TAFA1: variants seen among roughly 807,000 people sequenced by gnomAD.
The protein encoded by TAFA1 is chemokine-like protein TAFA-1.
In TAFA1, 4 loss-of-function variants were observed where a neutral mutation model predicts 18.5. The ratio of observed to expected loss-of-function variants is 0.22; its 90% CI spans 0.11 to 0.49. The LOEUF (loss-of-function observed/expected upper bound fraction) is 0.49. TAFA1 is among the 20% of genes least tolerant of loss of function. TAFA1 has a pLI of 0.98. For missense variants in TAFA1, 147 were observed against 169.0 expected (o/e 0.87, Z 0.72); for synonymous variants, 56 against 55.2 (o/e 1.01, Z -0.06).
rs76658083 is a variant in TAFA1 at position 68,373,918 on chromosome 3, C to G, written c.119-43362C>G. Among the ~76,000 whole-genome samples, 354 of 152,256 alleles carry G rather than the reference C, an allele frequency of 2.3e-3. 5 individuals carry two copies. The highest frequency in any genetic ancestry group is 8.2e-3 in the African/African-American group (339 of 41,558). On this transcript the variant is annotated intron_variant, in intron 2 of 4. Transcript: ENST00000478136. ...ACGCATTCTGCAAACAGCTAGAGCTCCTTTCTGTATTGGTTCAGACTCTTG... is the reference window on the plus strand; with the variant it reads ...ACGCATTCTGCAAACAGCTAGAGCTGCTTTCTGTATTGGTTCAGACTCTTG...
At chr3:68,000,117 C>T (rs1704268896), upstream of TAFA1, among the ~76,000 whole-genome samples, 1 of 152,124 alleles carries the variant, frequency 6.6e-6, no homozygotes, top group African/African-American at 2.4e-5. Flanking sequence ...AAAGGCAGCT[C>T]ATTATGCATG....
At chr3:68,175,984 T>C (rs887610827) in intron 2 of TAFA1, among the ~76,000 whole-genome samples, 3 of 152,156 alleles carry the variant, frequency 2.0e-5, no homozygotes, top group Non-Finnish European at 4.4e-5. Context: ...GACCTGGTGA[T>C]TTTAAAATGG....
chr3:68,393,149 C>G (rs9848417), intron 2 of TAFA1, among the ~76,000 whole-genome samples: 60,354 of 151,236 alleles, frequency 0.4, 12,519 homozygotes, highest in Non-Finnish European at 0.41. Context: ...GACACACACA[C>G]AGAGAAAAAA....
chr3:68,359,244 A>G lies in TAFA1; in HGVS notation c.119-58036A>G, dbSNP rs76525976. Among the ~76,000 whole-genome samples the G allele has an allele frequency of 5.8e-3, 889 of 152,176 alleles. 5 individuals are homozygous for G. The highest frequency in any genetic ancestry group is 0.021 in the African/African-American group (857 of 41,550). On this transcript the variant is annotated intron_variant, in intron 2 of 4. Transcript: ENST00000478136. ...TAAAATCATGTTAATCAAAAATTGC[A>G]GAACAGACTTCAGTAATGCTTGGGT...
In TAFA1 at chr3:68,343,341, G is replaced by A. The variant is rs76111073; in HGVS notation, c.119-73939G>A. ...AGTCAGAATTTCTGGGGATAGGACC[G>A]GTAGTTTACATTTTTAAAAAGAGAA... On this transcript the variant is annotated intron_variant, in intron 2 of 4. Coordinates refer to ENST00000478136, the MANE Select transcript of TAFA1 (RefSeq NM_213609.4). Among the ~76,000 whole-genome samples the A allele has an allele frequency of 6.4e-3, 975 of 152,198 alleles. 10 individuals are homozygous for A. The highest frequency in any genetic ancestry group is 0.014 in the Middle Eastern group (4 of 294).
chr3:68,148,807 T>A (rs1487067478), intron 2 of TAFA1, among the ~76,000 whole-genome samples: 2 of 152,210 alleles, frequency 1.3e-5, no homozygotes, highest in Non-Finnish European at 2.9e-5. Context: ...AGGGATTTTT[T>A]ATCAAGATTA....
chr3:68,463,057 C>A (rs920426213), intron 3 of TAFA1, among the ~76,000 whole-genome samples: 4 of 152,096 alleles, frequency 2.6e-5, no homozygotes, highest in African/African-American at 9.7e-5. Flanking sequence ...TCTACAGGGA[C>A]CTTGTGTGAT....
chr3:67,994,075 A>ATTTAACAAT, the TAFA1 span, among the ~76,000 whole-genome samples: 1 of 152,198 alleles, frequency 6.6e-6, no homozygotes, highest in Admixed American at 6.6e-5. Flanking sequence ...TGATGTCTAC[A>ATTTAACAAT]TTTAACAATC....
chr3:68,389,798 G>T (rs1032479894), intron 2 of TAFA1, among the ~76,000 whole-genome samples: 2 of 152,076 alleles, frequency 1.3e-5, no homozygotes, highest in South Asian at 4.1e-4. Flanking sequence ...AAGCAATGAG[G>T]GACTGTGCTG....
At chr3:68,209,305 A>C (rs1328536946) in intron 2 of TAFA1, among the ~76,000 whole-genome samples, 2 of 152,018 alleles carry the variant, frequency 1.3e-5, no homozygotes, top group East Asian at 3.9e-4. Flanking sequence ...GTTTTAAGCC[A>C]CTAGATCTGT....
chr3:68,282,390 CTT>C (rs2067915520), intron 2 of TAFA1, among the ~76,000 whole-genome samples: 1 of 151,124 alleles, frequency 6.6e-6, no homozygotes, highest in African/African-American at 2.4e-5. Flanking sequence ...CTTCCAATGA[CTT>C]TGTGGAGTTG....
At chr3:68,499,447 T>TTTC (rs1553697717) in intron 3 of TAFA1, among the ~76,000 whole-genome samples, 2 of 11,440 alleles carry the variant, frequency 1.7e-4, no homozygotes, top group East Asian at 6.6e-3. Context: ...TGTTCCTTTC[T>TTTC]TTTTTTTTTT....
At chr3:68,114,918 A>G (rs1345052746) in intron 2 of TAFA1, among the ~76,000 whole-genome samples, 1 of 152,246 alleles carries the variant, frequency 6.6e-6, no homozygotes, top group Non-Finnish European at 1.5e-5. Flanking sequence ...ATTGGGCAAC[A>G]GAAGTCAGAT....
At chr3:68,345,321 A>G (rs1298326884) in intron 2 of TAFA1, among the ~76,000 whole-genome samples, 3 of 152,188 alleles carry the variant, frequency 2.0e-5, no homozygotes, top group Non-Finnish European at 4.4e-5. Flanking sequence ...TAGAAGAAGA[A>G]ATCAGAATCA....
At chr3:68,298,631 G>T (rs1392735609) in intron 2 of TAFA1, among the ~76,000 whole-genome samples, 1 of 152,158 alleles carries the variant, frequency 6.6e-6, no homozygotes, top group Non-Finnish European at 1.5e-5. Flanking sequence ...GTTTTCCCCT[G>T]TGCTCTTCTT....
intron 2 of TAFA1, among the ~76,000 whole-genome samples, chr3:68,078,493 C>A (rs559365799): frequency 2.4e-4 from 37 of 152,236 alleles, no homozygotes; most frequent in African/African-American, 8.9e-4. Flanking sequence ...CCATCAATAC[C>A]TAATTTATTG....
chr3:68,136,350 G>A (rs1356147945), intron 2 of TAFA1, among the ~76,000 whole-genome samples: 1 of 152,188 alleles, frequency 6.6e-6, no homozygotes, highest in African/African-American at 2.4e-5. Flanking sequence ...AATATACATT[G>A]ACTTAAATGC....
At chr3:68,396,651 T>C (rs994835525) in intron 2 of TAFA1, among the ~76,000 whole-genome samples, 4 of 152,168 alleles carry the variant, frequency 2.6e-5, no homozygotes, top group African/African-American at 9.7e-5. Flanking sequence ...GGGACTATAA[T>C]CAACAAAACT....
chr3:68,488,954 C>G (rs1575915975), intron 3 of TAFA1, among the ~76,000 whole-genome samples: 2 of 152,174 alleles, frequency 1.3e-5, no homozygotes, highest in Non-Finnish European at 2.9e-5. Flanking sequence ...ATTTATTATG[C>G]ACTTACAGAT....
Sources: gnomAD v4.1 joint callset for allele counts (sites outside exome capture counted in the v4.1 genomes callset) on GRCh38, gnomAD v4.1.1 for gene constraint, MANE v1.5 for transcripts, NCBI Gene and HGNC (gene_info 2026-07-23, HGNC 2026-07-21) for gene names.